CNPY1: variants seen among roughly 807,000 people sequenced by gnomAD.
CNPY1 encodes the protein canopy FGF signaling regulator 1, also known as protein canopy homolog 1.
CNPY1 carries 14 observed loss-of-function variants against 14.4 expected under a neutral mutation model. The ratio of observed to expected loss-of-function variants is 0.97; its 90% CI spans 0.64 to 1.52. The LOEUF (loss-of-function observed/expected upper bound fraction) is 1.52, where lower values mean the gene tolerates loss of function less well. Ranked by LOEUF, CNPY1 falls within the 40% of genes most tolerant of loss-of-function variation. CNPY1 has a pLI of 0.00. For synonymous variants in CNPY1, 43 were observed against 46.5 expected, an observed-to-expected ratio of 0.92 and a Z score of 0.31; for missense variants, 129 against 131.5, an observed-to-expected ratio of 0.98 and a Z score of 0.09.
intron 2 of CNPY1, among the ~76,000 whole-genome samples, chr7:155,526,407 G>T (rs1796819446): frequency 1.3e-5 from 2 of 152,204 alleles, no homozygotes; most frequent in Non-Finnish European, 2.9e-5. Flanking sequence ...AAGACGGGGT[G>T]CCCAATGCCT....
intron 2 of CNPY1, among the ~76,000 whole-genome samples, chr7:155,537,119 C>A (rs1797032987): frequency 6.6e-6 from 1 of 152,204 alleles, no homozygotes; most frequent in African/African-American, 2.4e-5. Flanking sequence ...CGCATGCTAA[C>A]ATCTTCTCAT....
At position 155,509,048 on chromosome 7, in the gene CNPY1, A is replaced by G; in HGVS notation, c.149T>C (p.Val50Ala). 1.2e-6 allele frequency: 2 copies of G among 1,608,294 alleles called. No individual in the cohort carries two copies. The highest frequency in any genetic ancestry group is 1.7e-6 in the Non-Finnish European group (2 of 1,178,490). Residue 50 changes from valine (V) to alanine (A), a missense_variant, in exon 3 of 5, where the codon GTC becomes GCC. Val to Ala is a moderately conservative substitution (Grantham distance 64). Coordinates refer to ENST00000636446, the MANE Select transcript of CNPY1 (RefSeq NM_001393663.1). ...CTTGTAGTCGTTCATTCGCTCACAG[A>G]CTTTCTCCAAAAGATCCGTTAGGAA... is the stretch of plus-strand genomic sequence containing the variant. ...EAFLTDLLEK[V>A]CERMNDYKLE... is the part of the protein sequence containing the mutation.
rs565052270 is a variant in CNPY1, at chr7:155,538,874, G to A, written c.99+6957C>T. ...CACACTGGCGGCTGCTGAGGTCTCT[G>A]GGTCAGAGTGTGAGCTCCTATGGGG... On this transcript the variant is annotated intron_variant, in intron 2 of 4. Transcript: ENST00000636446. 7.9e-5 allele frequency among the ~76,000 whole-genome samples: 12 copies of A among 152,262 alleles called. No individual in the cohort carries two copies. In the East Asian group the frequency reaches 2.3e-3, roughly 29 times the overall value.
At chr7:155,545,565 C>G (rs1017043169) in intron 2 of CNPY1, among the ~76,000 whole-genome samples, 1 of 152,172 alleles carries the variant, frequency 6.6e-6, no homozygotes. Flanking sequence ...CACCAAGAAC[C>G]ACAGACGCGC....
At position 155,506,972 on chromosome 7, in the gene CNPY1, G is replaced by C. The variant is rs766758654; in HGVS notation, c.400+48C>G. 4 of 1,247,986 alleles carry C rather than the reference G, an allele frequency of 3.2e-6. No individual in the cohort carries two copies. The Admixed American group carries it at 5.1e-5, about 16-fold the overall frequency. The allele number at this position is 1,247,986 out of a possible 1,614,324, so 77.3% of individuals were successfully genotyped here. On this transcript the variant is annotated intron_variant, in intron 4 of 4. Coordinates refer to ENST00000636446, the MANE Select transcript of CNPY1 (RefSeq NM_001393663.1). ...CAAGACGCTGCAAGGCTGAGTGAGA[G>C]AGAGAGGGTGTGCGAGCAGCGAGCA...
chr7:155,533,161 G>A (rs1164076617), intron 2 of CNPY1, among the ~76,000 whole-genome samples: 1 of 152,222 alleles, frequency 6.6e-6, no homozygotes, highest in Non-Finnish European at 1.5e-5. Context: ...CACACAGGCA[G>A]CCGCAGAAAC....
chr7:155,510,727 C>T (rs982950202), intron 2 of CNPY1, among the ~76,000 whole-genome samples: 1 of 152,212 alleles, frequency 6.6e-6, no homozygotes, highest in African/African-American at 2.4e-5. Context: ...AAGTAGCGTT[C>T]TACTTACGCT....
rs1436603423 is a variant in CNPY1 at position 155,501,781 on chromosome 7, A to C, written c.*1287T>G. ...AGACTTAAGCAGCCACAGACAAGACAAAAAAGAAGCACCCAAGTAATTAAG... is the reference window on the plus strand; with the variant it reads ...AGACTTAAGCAGCCACAGACAAGACCAAAAAGAAGCACCCAAGTAATTAAG... On this transcript the variant is annotated 3_prime_UTR_variant, in exon 5 of 5. Transcript: ENST00000636446. 6.6e-6 allele frequency: 1 copy of C among 152,238 alleles called. No individual in the cohort carries two copies. The highest frequency in any genetic ancestry group is 1.5e-5 in the Non-Finnish European group (1 of 68,038). The allele number at this position is 152,238 out of a possible 1,614,324, so 9.4% of individuals were successfully genotyped here. A position where few individuals can be genotyped will look rare whatever the true frequency, so the allele number is the denominator to read the frequency against.
chr7:155,502,966 C>T lies in CNPY1; in HGVS notation c.*102G>A, dbSNP rs1463922002. ...AGACAAACACGGTATAAACAAGAGA[C>T]AAAATTTTTCTTATCATGAAAGACA... is the stretch of plus-strand genomic sequence containing the variant. On this transcript the variant is annotated 3_prime_UTR_variant, in exon 5 of 5. Transcript: ENST00000636446. 3.2e-5 allele frequency: 34 copies of T among 1,073,328 alleles called. 1 individual carries two copies. Among genetic ancestry groups the T allele is most frequent in the Middle Eastern group, 2.0e-4 (1 of 4,918 alleles). The allele number at this position is 1,073,328 out of a possible 1,614,324, so 66.5% of individuals were successfully genotyped here. A position where few individuals can be genotyped will look rare whatever the true frequency, so the allele number is the denominator to read the frequency against.
chr7:155,536,070 C>T lies in CNPY1; in HGVS notation c.99+9761G>A, dbSNP rs77828305. Among the ~76,000 whole-genome samples, 519 of 152,250 alleles carry T rather than the reference C, an allele frequency of 3.4e-3. 3 individuals carry two copies. The highest frequency in any genetic ancestry group is 0.012 in the African/African-American group (496 of 41,544). ...GTTTGGCTGTAGGTAGTAAACCCTC[C>T]GGGATGATATTCTGGGCTGGGCTGT... On this transcript the variant is annotated intron_variant, in intron 2 of 4. Transcript: ENST00000636446. The surrounding 1 kb of genome is among the most constrained non-coding windows in gnomAD (Gnocchi z 4.1).
intron 2 of CNPY1, among the ~76,000 whole-genome samples, chr7:155,513,552 G>T (rs1422290182): frequency 6.6e-6 from 1 of 151,972 alleles, no homozygotes; most frequent in Non-Finnish European, 1.5e-5. Flanking sequence ...TAGTTTGCGA[G>T]TAAGTGTTCC....
chr7:155,541,147 G>A (rs778753962), intron 2 of CNPY1, among the ~76,000 whole-genome samples: 75 of 152,210 alleles, frequency 4.9e-4, no homozygotes, highest in Non-Finnish European at 1.2e-4. Context: ...AGGCCAAGGA[G>A]GCAGCTCTCT....
At chr7:155,531,891 C>T (rs1371686324) in intron 2 of CNPY1, among the ~76,000 whole-genome samples, 3 of 152,168 alleles carry the variant, frequency 2.0e-5, no homozygotes, top group Admixed American at 6.5e-5. Flanking sequence ...AGCCTCTGGC[C>T]ACTGTCAGCC....
At chr7:155,520,084 A>G (rs1344850267) in intron 2 of CNPY1, among the ~76,000 whole-genome samples, 2 of 152,248 alleles carry the variant, frequency 1.3e-5, no homozygotes, top group Admixed American at 6.5e-5. Flanking sequence ...CGCCGTAGGT[A>G]TACATTCCCG....
chr7:155,509,981 G>T (rs544484335), intron 2 of CNPY1, among the ~76,000 whole-genome samples: 344 of 152,232 alleles, frequency 2.3e-3, no homozygotes, highest in Non-Finnish European at 4.0e-3. Context: ...GCGTGGAGCC[G>T]CCAAGGGCGC....
Position 155,516,569 on chromosome 7 carries a change from G to A in CNPY1, c.100-7472C>T, listed in dbSNP as rs186876091. ...ACGCGGTGTCCTCAAGGAGTCACAG[G>A]CTAAGCTGGATGGAAACCCACACAG... On this transcript the variant is annotated intron_variant, in intron 2 of 4. Coordinates refer to ENST00000636446, the MANE Select transcript of CNPY1 (RefSeq NM_001393663.1). Among the ~76,000 whole-genome samples the A allele has an allele frequency of 2.6e-5, 4 of 152,256 alleles. No individual in the cohort carries two copies. The East Asian group carries it at 7.7e-4, about 29-fold the overall frequency.
At chr7:155,545,603 C>T (rs1305236075) in intron 2 of CNPY1, among the ~76,000 whole-genome samples, 2 of 152,016 alleles carry the variant, frequency 1.3e-5, no homozygotes, top group Non-Finnish European at 2.9e-5. Context: ...AGAACAGTGC[C>T]GAAATGTCTT....
At chr7:155,539,527 G>A (rs1261332844) in intron 2 of CNPY1, among the ~76,000 whole-genome samples, 1 of 152,148 alleles carries the variant, frequency 6.6e-6, no homozygotes, top group Non-Finnish European at 1.5e-5. Context: ...GTACAGTTGT[G>A]CAGGTTGCAC....
At chr7:155,504,291 G>C (rs1209588743) in intron 4 of CNPY1, among the ~76,000 whole-genome samples, 1 of 151,954 alleles carries the variant, frequency 6.6e-6, no homozygotes, top group Admixed American at 6.6e-5. Context: ...GAAAGTCTCA[G>C]TGATGTGTTA....
Sources: allele counts gnomAD v4.1 joint callset (sites outside exome capture counted in the v4.1 genomes callset), GRCh38; gene constraint gnomAD v4.1.1; non-coding constraint Gnocchi (gnomAD v3.1); transcripts MANE v1.5; gene names NCBI Gene and HGNC (gene_info 2026-07-23, HGNC 2026-07-21).